Variants in SYT9 observed in about 807,000 individuals in gnomAD.
The protein encoded by SYT9 is synaptotagmin-9.
A neutral mutation model predicts 48.4 loss-of-function variants in SYT9; 22 were observed. The ratio of observed to expected loss-of-function variants is 0.45; its 90% confidence interval spans 0.32 to 0.65. The LOEUF is 0.65. Among genes scored for constraint, SYT9 ranks in the 30% least tolerant of loss-of-function variants. The probability of loss-of-function intolerance (pLI) is 0.03; values close to 1 mark genes in which losing one functional copy is unlikely to be tolerated. For missense variants in SYT9, 577 were observed against 622.0 expected (o/e 0.93, Z 0.77); for synonymous variants, 265 against 245.0 (o/e 1.08, Z -0.76).
intron 3 of SYT9, among the ~76,000 whole-genome samples, chr11:7,406,533 CGCAT>C (rs1189178219): frequency 1.4e-4 from 8 of 59,250 alleles, no homozygotes; most frequent in African/African-American, 2.7e-4. Context: ...TGTTCAATTG[CGCAT>C]ATATATATAT....
chr11:7,272,528 T>C (rs559035998), intron 1 of SYT9, among the ~76,000 whole-genome samples: 1 of 152,196 alleles, frequency 6.6e-6, no homozygotes, highest in Non-Finnish European at 1.5e-5. Flanking sequence ...TAATGCAATC[T>C]AGCTATTCAC....
At chr11:7,438,061 G>C (rs1847746784) in intron 6 of SYT9, 1 of 152,202 alleles carries the variant, frequency 6.6e-6, no homozygotes, top group South Asian at 2.1e-4. Flanking sequence ...AGAGTCTGGT[G>C]GGGGAGTCTG....
At chr11:7,296,581 CCTGT>C (rs1848812060) in intron 1 of SYT9, among the ~76,000 whole-genome samples, 1 of 152,150 alleles carries the variant, frequency 6.6e-6, no homozygotes, top group South Asian at 2.1e-4. Flanking sequence ...CCTTCTTCTT[CCTGT>C]GTCTCTTTCT....
At chr11:7,312,312 C>T (rs150097978) in intron 2 of SYT9, among the ~76,000 whole-genome samples, 2 of 152,270 alleles carry the variant, frequency 1.3e-5, no homozygotes, top group East Asian at 1.9e-4. Flanking sequence ...AGGGCAAATT[C>T]AAATGTTTAC....
chr11:7,366,117 G>A (rs1439151361), intron 3 of SYT9, among the ~76,000 whole-genome samples: 4 of 152,168 alleles, frequency 2.6e-5, no homozygotes, highest in African/African-American at 7.2e-5. Context: ...CCCATGATTC[G>A]TTGCTGCTCA....
chr11:7,328,496 A>G (rs1226223832), intron 3 of SYT9, among the ~76,000 whole-genome samples: 8 of 152,202 alleles, frequency 5.3e-5, no homozygotes, highest in African/African-American at 9.6e-5. Flanking sequence ...TAATCAGTGT[A>G]TTAAACCTCC....
intron 6 of SYT9, among the ~76,000 whole-genome samples, chr11:7,446,656 C>T (rs1469440243): frequency 6.6e-6 from 1 of 152,190 alleles, no homozygotes; most frequent in East Asian, 1.9e-4. Flanking sequence ...CCTGGCCATC[C>T]CCCCCAGCCT....
chr11:7,351,171 T>C (rs891160837), intron 3 of SYT9, among the ~76,000 whole-genome samples: 1 of 152,260 alleles, frequency 6.6e-6, no homozygotes, highest in African/African-American at 2.4e-5. Context: ...TGTTTCTTAA[T>C]GGTTAAGTAT....
At chr11:7,379,800 G>A (rs1196818353) in intron 3 of SYT9, among the ~76,000 whole-genome samples, 3 of 152,068 alleles carry the variant, frequency 2.0e-5, no homozygotes, top group African/African-American at 4.8e-5. Context: ...ACAAATGCTG[G>A]CAAGGATGTG....
chr11:7,317,048 A>T (rs1039367832), intron 3 of SYT9, among the ~76,000 whole-genome samples: 3 of 152,128 alleles, frequency 2.0e-5, no homozygotes, highest in Non-Finnish European at 4.4e-5. Flanking sequence ...CTCTCAGTTT[A>T]TGGCTGTCTT....
chr11:7,429,912 A>G (rs1273565330), intron 6 of SYT9, among the ~76,000 whole-genome samples: 1 of 152,214 alleles, frequency 6.6e-6, no homozygotes, highest in Non-Finnish European at 1.5e-5. Context: ...TTGCATTTAT[A>G]TGTTATTCAA....
At chr11:7,372,403 C>T (rs1216015863) in intron 3 of SYT9, among the ~76,000 whole-genome samples, 3 of 152,182 alleles carry the variant, frequency 2.0e-5, no homozygotes, top group East Asian at 1.9e-4. Context: ...ACCTCCACAT[C>T]CCAGGCTTAA....
chr11:7,359,569 A>T (rs1188414441), intron 3 of SYT9, among the ~76,000 whole-genome samples: 5 of 107,132 alleles, frequency 4.7e-5, no homozygotes, highest in East Asian at 2.7e-4. Flanking sequence ...GGTATCTCAT[A>T]GTGGTTTTGA....
At chr11:7,279,325 T>G (rs145609572) in intron 1 of SYT9, among the ~76,000 whole-genome samples, 192 of 152,280 alleles carry the variant, frequency 1.3e-3, no homozygotes, top group Middle Eastern at 3.4e-3. Context: ...ATATTTTTAT[T>G]GGGCAGTTTA....
chr11:7,378,219 TG>T (rs1373175592), intron 3 of SYT9, among the ~76,000 whole-genome samples: 5 of 151,766 alleles, frequency 3.3e-5, no homozygotes, highest in Non-Finnish European at 5.9e-5. Context: ...AGTCAGAAGG[TG>T]GGTGTGGGGG....
chr11:7,318,359 G>T, intron 3 of SYT9, among the ~76,000 whole-genome samples: 1 of 151,702 alleles, frequency 6.6e-6, no homozygotes, highest in Non-Finnish European at 1.5e-5. Context: ...TGTCACCCAG[G>T]CTGGAGTGCA....
chr11:7,383,588 C>T (rs1271505386), intron 3 of SYT9, among the ~76,000 whole-genome samples: 1 of 152,202 alleles, frequency 6.6e-6, no homozygotes, highest in Non-Finnish European at 1.5e-5. Context: ...GAAAAGTACC[C>T]AGACTGGTGG....
chr11:7,407,066 T>C (rs185721320), intron 3 of SYT9, among the ~76,000 whole-genome samples: 301 of 152,274 alleles, frequency 2.0e-3, no homozygotes, highest in African/African-American at 6.9e-3. Flanking sequence ...AAAAATTTTT[T>C]AGTTGTTTGA....
chr11:7,309,174 C>T (rs73395924), intron 2 of SYT9, among the ~76,000 whole-genome samples: 4,525 of 152,234 alleles, frequency 0.03, 182 homozygotes, highest in East Asian at 0.1. Context: ...GTTGTTTCTT[C>T]CATGAGAGGA....
Sources: gnomAD v4.1 joint callset for allele counts (sites outside exome capture counted in the v4.1 genomes callset) on GRCh38, gnomAD v4.1.1 for gene constraint, MANE v1.5 for transcripts, NCBI Gene and HGNC (gene_info 2026-07-23, HGNC 2026-07-21) for gene names.